SSX5: variants seen among roughly 807,000 people sequenced by gnomAD.
SSX5 encodes SSX family member 5.
A neutral mutation model predicts 14.9 loss-of-function variants in SSX5; 14 were observed. The observed-to-expected ratio is 0.94, with a 90% CI of 0.62 to 1.47. SSX5 has a LOEUF of 1.47. Ranked by LOEUF, SSX5 falls within the 40% of genes most tolerant of loss-of-function variation. SSX5 has a pLI of 0.00. For synonymous variants in SSX5, 70 were observed against 55.4 expected (o/e 1.26, Z -1.17); for missense variants, 204 against 154.6 (o/e 1.32, Z -1.70).
In SSX5 at chrX:48,186,700, G is replaced by A. The variant is rs1556923819; in HGVS notation, c.*161C>T. The A allele has an allele frequency of 2.0e-6, 2 of 1,003,818 alleles. No homozygotes were observed. The highest frequency in any genetic ancestry group is 3.1e-5 in the East Asian group (1 of 32,290). The allele number at this position is 1,003,818 out of a possible 1,213,427, so 82.7% of individuals were successfully genotyped here. On this transcript the variant is annotated 3_prime_UTR_variant, in exon 8 of 8. Coordinates refer to ENST00000347757, the MANE Select transcript of SSX5 (RefSeq NM_175723.2). The stretch of plus-strand genomic sequence containing the variant: ...ACAGAAACACTAACATCGAACTCTT[G>A]GCACACTAAGAAAAATGACGCTCAA...
intron 2 of SSX5, 114 bp downstream of exon 2, chrX:48,195,176 G>C: frequency 8.3e-7 from 1 of 1,210,118 alleles, no homozygotes; most frequent in Non-Finnish European, 1.1e-6. Context: ...GGTTCCAGAT[G>C]TCCCCGGAGA....
intron 5 of SSX5, among the ~76,000 whole-genome samples, chrX:48,190,527 T>A (rs1305108251): frequency 2.7e-5 from 3 of 111,803 alleles, no homozygotes; most frequent in Non-Finnish European, 3.8e-5. Flanking sequence ...AAACAGCAAA[T>A]ATCTCCATGT....
intron 5 of SSX5, among the ~76,000 whole-genome samples, chrX:48,191,071 A>T (rs1556924662): frequency 1.8e-5 from 2 of 109,873 alleles, no homozygotes; most frequent in Admixed American, 9.8e-5. Flanking sequence ...CGCCCCGCTA[A>T]GTTTTGTATT....
chrX:48,186,744 A>C lies in SSX5; in HGVS notation c.*117T>G, dbSNP rs1328161856. On this transcript the variant is annotated 3_prime_UTR_variant, in exon 8 of 8. Transcript: ENST00000347757. Reference sequence around the variant, plus strand: ...CGCTCAACTTTTCACTGTTGTGAACACTTGCTTTCACTTGCTATACACCTG... The same window carrying C: ...CGCTCAACTTTTCACTGTTGTGAACCCTTGCTTTCACTTGCTATACACCTG... 29 of 1,163,597 alleles carry C rather than the reference A, an allele frequency of 2.5e-5. No homozygotes were observed. Among genetic ancestry groups the C allele is most frequent in the Admixed American group, 4.4e-5 (2 of 45,613 alleles).
intron 4 of SSX5, 163 bp from the exon 5 acceptor site, chrX:48,192,444 G>A: frequency 1.1e-5 from 9 of 807,269 alleles, no homozygotes; most frequent in South Asian, 2.4e-5. Context: ...CATGGTTGGT[G>A]CATTTATCTG....
intron 4 of SSX5, among the ~76,000 whole-genome samples, chrX:48,192,566 T>A: frequency 8.9e-6 from 1 of 112,435 alleles, no homozygotes; most frequent in East Asian, 2.8e-4. Context: ...AATAATTAAA[T>A]TGATTGGTTG....
intron 5 of SSX5, among the ~76,000 whole-genome samples, chrX:48,191,957 T>C (rs1299542087): frequency 8.9e-6 from 1 of 112,560 alleles, no homozygotes; most frequent in Non-Finnish European, 1.9e-5. Flanking sequence ...CTCATTATTA[T>C]TTGGAGATAA....
chrX:48,188,944 C>T lies in SSX5; in HGVS notation c.466+1189G>A, dbSNP rs782154390. ...ATGAGAAAGTGGTCAGGATAGAAGACGAAACCAGCCACAACATTCCCTTAA... is the reference window on the plus strand; with the variant it reads ...ATGAGAAAGTGGTCAGGATAGAAGATGAAACCAGCCACAACATTCCCTTAA... On this transcript the variant is annotated intron_variant, in intron 6 of 7. Coordinates refer to ENST00000347757, the MANE Select transcript of SSX5 (RefSeq NM_175723.2). Among the ~76,000 whole-genome samples, 11 of 112,423 alleles carry T rather than the reference C, an allele frequency of 9.8e-5. No individual in the cohort carries two copies. The South Asian group carries it at 3.3e-3, about 34-fold the overall frequency.
chrX:48,192,027 T>C (rs2059421922), intron 5 of SSX5, among the ~76,000 whole-genome samples: 1 of 112,298 alleles, frequency 8.9e-6, no homozygotes. Context: ...CTTAAAATAG[T>C]ATTTGGCATC....
At chrX:48,192,321 G>A in intron 4 of SSX5, 40 bp from the exon 5 acceptor site, 1 of 1,207,932 alleles carries the variant, frequency 8.3e-7, no homozygotes, top group East Asian at 3.0e-5. Context: ...TGTTGGTAAA[G>A]ATTTCCAAAC....
At position 48,186,823 on chromosome X, in the gene SSX5, C is replaced by G; in HGVS notation, c.*38G>C. On this transcript the variant is annotated 3_prime_UTR_variant, in exon 8 of 8. Transcript: ENST00000347757. ...GTTCGTGAAAGGTCACCACGTTCTG[C>G]TTCTCATCATGGGCATGTGTCATAT... The G allele has an allele frequency of 8.3e-7, 1 of 1,198,319 alleles. No homozygotes were observed. The highest frequency in any genetic ancestry group is 1.1e-6 in the Non-Finnish European group (1 of 895,334).
chrX:48,189,140 G>A (rs2059410059), intron 6 of SSX5, among the ~76,000 whole-genome samples: 1 of 112,204 alleles, frequency 8.9e-6, no homozygotes, highest in Non-Finnish European at 1.9e-5. Flanking sequence ...AGCAAACCCT[G>A]ATGGAGAAGC....
chrX:48,187,598 T>C (rs2059403360), intron 7 of SSX5, 29 bp downstream of exon 7: 2 of 1,187,448 alleles, frequency 1.7e-6, no homozygotes, highest in Non-Finnish European at 1.1e-6. Context: ...TCTGCAAGGA[T>C]GTGGGAGATG....
At chrX:48,191,579 A>G (rs1556924764) in intron 5 of SSX5, among the ~76,000 whole-genome samples, 1 of 111,652 alleles carries the variant, frequency 9.0e-6, no homozygotes, top group African/African-American at 3.3e-5. Context: ...CCAGTAACAG[A>G]TCAGAGACCA....
chrX:48,187,589 C>A, intron 7 of SSX5, 38 bp downstream of exon 7: 1 of 1,179,323 alleles, frequency 8.5e-7, no homozygotes, highest in Non-Finnish European at 1.2e-6. Context: ...AATAGCACAT[C>A]TGCAAGGATG....
chrX:48,193,653 A>G (rs1215362795), intron 4 of SSX5, among the ~76,000 whole-genome samples: 1 of 110,958 alleles, frequency 9.0e-6, no homozygotes, highest in Non-Finnish European at 1.9e-5. Context: ...GGAGGCTGAG[A>G]CAGGAGAATC....
rs1348858531 is a variant in SSX5, at chrX:48,194,674, T to C, written c.184+66A>G. On this transcript the variant is annotated intron_variant, in intron 3 of 7. Coordinates refer to ENST00000347757, the MANE Select transcript of SSX5 (RefSeq NM_175723.2). ...GGGGTACTTTCTGCAGCCTAAGAAATAGCCAAAGCTGGAAAAGGGATGCTC... is the reference window on the plus strand; with the variant it reads ...GGGGTACTTTCTGCAGCCTAAGAAACAGCCAAAGCTGGAAAAGGGATGCTC... 2.7e-6 allele frequency: 3 copies of C among 1,104,596 alleles called. No individual in the cohort carries two copies. The East Asian group carries it at 9.1e-5, about 33-fold the overall frequency. The allele number at this position is 1,104,596 out of a possible 1,213,427, so 91.0% of individuals were successfully genotyped here. A position where few individuals can be genotyped will look rare whatever the true frequency, so the allele number is the denominator to read the frequency against.
chrX:48,186,401 T>TGC lies in SSX5; in HGVS notation c.*459_*460insGC, dbSNP rs1491394702. ...GTGTGTGTGTGTGTGTGTGTGTGTG[T>TGC]GTGCGCGCGCGCGCGCATGTGTGTC... On this transcript the variant is annotated 3_prime_UTR_variant, in exon 8 of 8. Coordinates refer to ENST00000347757, the MANE Select transcript of SSX5 (RefSeq NM_175723.2). 62 of 192,524 alleles carry TGC rather than the reference T, an allele frequency of 3.2e-4. No individual in the cohort carries two copies. The highest frequency in any genetic ancestry group is 9.9e-4 in the East Asian group (7 of 7,093). 15.9% of individuals were successfully genotyped at this position (192,524 alleles called of 1,213,427 possible).
chrX:48,192,930 T>C lies in SSX5; in HGVS notation c.281-649A>G, dbSNP rs1485442781. 2.7e-5 allele frequency among the ~76,000 whole-genome samples: 3 copies of C among 112,131 alleles called. 1 individual carries two copies. In the Admixed American group the frequency reaches 2.9e-4, roughly 11 times the overall value. On this transcript the variant is annotated intron_variant, in intron 4 of 7. Coordinates refer to ENST00000347757, the MANE Select transcript of SSX5 (RefSeq NM_175723.2). ...GAGCAAGTAAACACATATGTCCCCTTTATATCCCTGAAATGTACAAAGATC... is the reference window on the plus strand; with the variant it reads ...GAGCAAGTAAACACATATGTCCCCTCTATATCCCTGAAATGTACAAAGATC...
Sources: gnomAD v4.1 joint callset for allele counts (sites outside exome capture counted in the v4.1 genomes callset) on GRCh38, gnomAD v4.1.1 for gene constraint, MANE v1.5 for transcripts, NCBI Gene and HGNC (gene_info 2026-07-23, HGNC 2026-07-21) for gene names.